The following ARID1B variants were observed in gnomAD, a reference collection of about 807,000 sequenced individuals.
ARID1B encodes AT-rich interaction domain 1B, also known as AT-rich interactive domain-containing protein 1B.
ARID1B carries 30 observed loss-of-function variants against 212.3 expected under a neutral mutation model. The observed-to-expected ratio is 0.14, with a 90% CI of 0.11 to 0.19. The LOEUF (loss-of-function observed/expected upper bound fraction) is 0.19, where lower values mean the gene tolerates loss of function less well. ARID1B is among the 10% of genes least tolerant of loss of function. The pLI, the probability that ARID1B is intolerant of heterozygous loss-of-function variation, is 1.00. For synonymous variants in ARID1B, 1,402 were observed against 1,301.7 expected (o/e 1.08, Z -1.66); for missense variants, 2,891 against 3,204.0 (o/e 0.90, Z 2.36).
intron 4 of ARID1B, among the ~76,000 whole-genome samples, chr6:156,972,614 A>G (rs1269051721): frequency 1.3e-5 from 2 of 152,198 alleles, no homozygotes; most frequent in Non-Finnish European, 2.9e-5. Flanking sequence ...ATGCTTTTCC[A>G]TTATTATTGA....
chr6:156,973,497 A>G (rs1387517952), intron 4 of ARID1B, among the ~76,000 whole-genome samples: 2 of 152,214 alleles, frequency 1.3e-5, no homozygotes, highest in East Asian at 1.9e-4. Context: ...TAAGCTGCTC[A>G]TCTTCTGCAT....
At chr6:156,969,724 A>G (rs1776787232) in intron 4 of ARID1B, among the ~76,000 whole-genome samples, 1 of 152,194 alleles carries the variant, frequency 6.6e-6, no homozygotes, top group African/African-American at 2.4e-5. Flanking sequence ...CGAGCTTTAT[A>G]TGGCCAGGGG....
intron 1 of ARID1B, among the ~76,000 whole-genome samples, chr6:156,786,149 A>G (rs970701485): frequency 2.0e-5 from 3 of 152,150 alleles, no homozygotes; most frequent in Non-Finnish European, 2.9e-5. Context: ...CTTAAAAATT[A>G]TTAATTTTAT....
At chr6:156,916,694 T>A (rs543184157) in intron 3 of ARID1B, among the ~76,000 whole-genome samples, 1 of 152,194 alleles carries the variant, frequency 6.6e-6, no homozygotes, top group African/African-American at 2.4e-5. Flanking sequence ...CGGTCCCCTC[T>A]TAGCAAGCTC....
At chr6:156,988,185 G>A (rs769752085) in intron 4 of ARID1B, among the ~76,000 whole-genome samples, 5 of 152,146 alleles carry the variant, frequency 3.3e-5, no homozygotes, top group African/African-American at 9.7e-5. Context: ...GTTACAAACC[G>A]GGAGCTTGAA....
intron 6 of ARID1B, among the ~76,000 whole-genome samples, chr6:157,114,377 A>T (rs1226786547): frequency 6.6e-6 from 1 of 151,948 alleles, no homozygotes; most frequent in East Asian, 1.9e-4. Context: ...ACAAAACATT[A>T]ACCAGGCATG....
intron 4 of ARID1B, among the ~76,000 whole-genome samples, chr6:156,961,226 A>C (rs1437054403): frequency 6.6e-6 from 1 of 152,220 alleles, no homozygotes; most frequent in East Asian, 1.9e-4. Context: ...GGAGCTGCTT[A>C]ATGGAAACCA....
intron 5 of ARID1B, among the ~76,000 whole-genome samples, chr6:157,102,845 C>T (rs969832661): frequency 1.3e-5 from 2 of 152,066 alleles, no homozygotes; most frequent in Non-Finnish European, 2.9e-5. Flanking sequence ...GATCCACCCA[C>T]CTCAGCCTCC....
intron 1 of ARID1B, among the ~76,000 whole-genome samples, chr6:156,825,461 A>G (rs1782675514): frequency 6.6e-6 from 1 of 152,188 alleles, no homozygotes; most frequent in African/African-American, 2.4e-5. Flanking sequence ...CATTTTTGAC[A>G]TGGTGCAAAT....
rs145123304 is a variant in ARID1B, at chr6:157,123,238, G to GC, written c.2582-9780dup. On this transcript the variant is annotated intron_variant, in intron 6 of 19. Transcript: ENST00000636930. Reference sequence around the variant, plus strand: ...TTTCTTTCTCTCCCCCCCGCCCCCCGCCCCCCCCCCACACACACACAAGCA... The same window carrying GC: ...TTTCTTTCTCTCCCCCCCGCCCCCCGCCCCCCCCCCCACACACACACAAGCA... Among the ~76,000 whole-genome samples the GC allele has an allele frequency of 6.1e-3, 512 of 83,568 alleles. 7 individuals carry two copies. Among genetic ancestry groups the GC allele is most frequent in the African/African-American group, 0.018 (364 of 19,744 alleles). The allele number at this position is 83,568 out of a possible 152,430, so 54.8% of individuals were successfully genotyped here.
rs1335579956 is a variant in ARID1B, at chr6:157,110,572, A to C, written c.2581+11A>C. ...TGCCACAGGAAAGAGGTTCGTCTCC[A>C]GTTCATGTCTTACATGCCTATAGTG... On this transcript the variant is annotated intron_variant, in intron 6 of 19. Transcript: ENST00000636930. The C allele has an allele frequency of 5.6e-6, 9 of 1,613,480 alleles. No homozygotes were observed. In the East Asian group the frequency reaches 2.0e-4, roughly 36 times the overall value.
chr6:156,888,946 C>G (rs1374839550), intron 2 of ARID1B, among the ~76,000 whole-genome samples: 1 of 152,046 alleles, frequency 6.6e-6, no homozygotes, highest in Non-Finnish European at 1.5e-5. Context: ...AATATTGATA[C>G]CCTAGGTGTC....
chr6:156,828,460 AC>A (rs1327779526), intron 1 of ARID1B, among the ~76,000 whole-genome samples: 2 of 152,052 alleles, frequency 1.3e-5, no homozygotes. Context: ...GGGCCTTTCT[AC>A]CTATTGCTTT....
At chr6:156,808,920 C>T (rs994478452) in intron 1 of ARID1B, among the ~76,000 whole-genome samples, 1 of 152,156 alleles carries the variant, frequency 6.6e-6, no homozygotes, top group African/African-American at 2.4e-5. Context: ...AAGATTTGTA[C>T]ACACGAGTTT....
At chr6:156,783,335 A>T (rs1779410146) in intron 1 of ARID1B, among the ~76,000 whole-genome samples, 2 of 126,702 alleles carry the variant, frequency 1.6e-5, no homozygotes, top group South Asian at 6.6e-4. Flanking sequence ...CTGATATTTA[A>T]AAAAAAAAAA....
At position 157,084,705 on chromosome 6, in the gene ARID1B, C is replaced by T. The variant is rs2128462280; in HGVS notation, c.2291C>T (p.Ala764Val). 1 of 1,614,162 alleles carries T rather than the reference C, an allele frequency of 6.2e-7. No individual in the cohort carries two copies. Among genetic ancestry groups the T allele is most frequent in the Non-Finnish European group, 8.5e-7 (1 of 1,180,014 alleles). Residue 764 changes from alanine to valine, a missense_variant, in exon 5 of 20, where the codon GCA becomes GTA. Ala to Val is a moderately conservative substitution (Grantham distance 64). Coordinates refer to ENST00000636930, the MANE Select transcript of ARID1B (RefSeq NM_001374828.1). ...GATGACCTCCCCACGGGAACGGAAG[C>T]AACTTTGAGCTCAGCAGTCAGTGCA... Reference protein sequence around the residue: ...SIDDLPTGTEATLSSAVSASG... With the variant: ...SIDDLPTGTEVTLSSAVSASG...
At chr6:157,096,551 C>T (rs1007764940) in intron 5 of ARID1B, among the ~76,000 whole-genome samples, 6 of 152,226 alleles carry the variant, frequency 3.9e-5, no homozygotes, top group African/African-American at 9.6e-5. Flanking sequence ...TACTTGAGGT[C>T]GTGCTCGAGA....
intron 2 of ARID1B, among the ~76,000 whole-genome samples, chr6:156,856,425 G>C (rs780690236): frequency 1.3e-5 from 2 of 152,178 alleles, no homozygotes; most frequent in African/African-American, 2.4e-5. Context: ...GGAATTCTAA[G>C]ATGTATGTCC....
At chr6:157,165,545 C>T (rs1791266760) in intron 8 of ARID1B, among the ~76,000 whole-genome samples, 2 of 150,574 alleles carry the variant, frequency 1.3e-5, no homozygotes, top group Non-Finnish European at 2.9e-5. Context: ...ACAAAAGGAA[C>T]AGTATATTTA....
Sources: gnomAD v4.1 joint callset for allele counts (sites outside exome capture counted in the v4.1 genomes callset) on GRCh38, gnomAD v4.1.1 for gene constraint, MANE v1.5 for transcripts, NCBI Gene and HGNC (gene_info 2026-07-23, HGNC 2026-07-21) for gene names.